Variants in CANX observed in about 807,000 individuals in gnomAD.
The protein encoded by CANX is epididymis secretory sperm binding protein.
CANX carries 14 observed loss-of-function variants against 75.7 expected under a neutral mutation model. The observed-to-expected ratio is 0.19, with a 90% confidence interval of 0.12 to 0.29. The LOEUF is 0.29. Among genes scored for constraint, CANX ranks in the 10% least tolerant of loss-of-function variants. CANX has a pLI of 1.00. For missense variants in CANX, 567 were observed against 713.2 expected, an observed-to-expected ratio of 0.79 and a Z score of 2.34; for synonymous variants, 227 against 236.9, an observed-to-expected ratio of 0.96 and a Z score of 0.38.
At chr5:179,706,956 T>C (rs1562473562) in intron 3 of CANX, among the ~76,000 whole-genome samples, 176 bp from the exon 4 acceptor site, 1 of 152,208 alleles carries the variant, frequency 6.6e-6, no homozygotes, top group Non-Finnish European at 1.5e-5. Context: ...TTCATATAGG[T>C]TTGTGAGTTG....
intron 1 of CANX, among the ~76,000 whole-genome samples, chr5:179,702,606 G>T (rs1247766266): frequency 1.3e-5 from 2 of 152,036 alleles, no homozygotes; most frequent in Non-Finnish European, 2.9e-5. Flanking sequence ...ATGGACACTT[G>T]GGTTGCTTCT....
intron 4 of CANX, among the ~76,000 whole-genome samples, 200 bp downstream of exon 4, chr5:179,707,390 C>G (rs1038315180): frequency 3.9e-5 from 6 of 152,104 alleles, no homozygotes; most frequent in African/African-American, 1.2e-4. Flanking sequence ...CGAGACCATC[C>G]TGGCTAACAC....
Position 179,708,360 on chromosome 5 carries a change from C to G in CANX, c.426C>G (p.Asp142Glu). 1 of 1,613,336 alleles carries G rather than the reference C, an allele frequency of 6.2e-7. No individual in the cohort carries two copies. The highest frequency in any genetic ancestry group is 8.5e-7 in the Non-Finnish European group (1 of 1,179,470). Residue 142 changes from aspartate to glutamate, a missense_variant, in exon 5 of 15, where the codon GAC becomes GAG. Asp to Glu is a conservative substitution (Grantham distance 45, BLOSUM62 2). Around this residue, in one of 3 missense-constraint regions of CANX, gnomAD observed 351 missense variants for 433.8 expected, o/e 0.81. Coordinates refer to ENST00000247461, the MANE Select transcript of CANX (RefSeq NM_001746.4). ...SAKLNKPFLF[D>E]TKPLIVQYEV... Reference sequence around the variant, plus strand: ...AACTGAACAAGCCCTTCCTGTTTGACACCAAGCCTCTCATTGTTCAGTAAG... The same window carrying G: ...AACTGAACAAGCCCTTCCTGTTTGAGACCAAGCCTCTCATTGTTCAGTAAG...
rs368539767 is a variant in CANX at position 179,709,275 on chromosome 5, G to A, written c.528+216G>A. ...TAAAAATACAAAAAATTAGCCAGGC[G>A]TGGTGGCAGGCGCCTGTAGTCCCAG... On this transcript the variant is annotated intron_variant, in intron 6 of 14. Transcript: ENST00000247461. Among the ~76,000 whole-genome samples, 31 of 152,232 alleles carry A rather than the reference G, an allele frequency of 2.0e-4. 1 individual carries two copies. In the East Asian group the frequency reaches 2.9e-3, roughly 14 times the overall value.
chr5:179,706,446 T>A (rs1777143831), intron 3 of CANX, 115 bp downstream of exon 3: 2 of 531,234 alleles, frequency 3.8e-6, no homozygotes, highest in Non-Finnish European at 6.5e-6. Flanking sequence ...TATTTTATTT[T>A]ATTTATTTAT....
At chr5:179,680,484 A>C (rs1409902351) in intron 1 of CANX, among the ~76,000 whole-genome samples, 1 of 152,128 alleles carries the variant, frequency 6.6e-6, no homozygotes, top group Non-Finnish European at 1.5e-5. Context: ...TGGAAGACAG[A>C]TGCGTGTATA....
intron 1 of CANX, among the ~76,000 whole-genome samples, chr5:179,684,531 G>C (rs1283682035): frequency 3.3e-5 from 5 of 151,280 alleles, no homozygotes; most frequent in Non-Finnish European, 7.4e-5. Flanking sequence ...TAGTAGAGAC[G>C]GGGTTTCACT....
chr5:179,706,196 C>A, intron 2 of CANX, 62 bp from the exon 3 acceptor site: 1 of 936,826 alleles, frequency 1.1e-6, no homozygotes, highest in South Asian at 1.4e-5. Context: ...AGAATAGATT[C>A]TAGATAAAAA....
At chr5:179,728,045 C>T (rs1284011374) in intron 14 of CANX, among the ~76,000 whole-genome samples, 2 of 152,158 alleles carry the variant, frequency 1.3e-5, no homozygotes, top group African/African-American at 4.8e-5. Context: ...TATGTTCTGT[C>T]TTAACTAGAA....
At chr5:179,715,824 GTT>G (rs1204093584) in intron 7 of CANX, 172 of 355,400 alleles carry the variant, frequency 4.8e-4, no homozygotes, top group East Asian at 7.3e-4. Flanking sequence ...TGTTTTTTTT[GTT>G]TTTTTTTTTT....
intron 7 of CANX, among the ~76,000 whole-genome samples, chr5:179,713,922 TAGAA>T (rs1475756407): frequency 3.3e-5 from 5 of 152,130 alleles, no homozygotes; most frequent in African/African-American, 7.2e-5. Context: ...CTCTATAAAA[TAGAA>T]AGAAAAGGTA....
intron 1 of CANX, chr5:179,700,420 G>A (rs1350196940): frequency 3.3e-5 from 5 of 152,128 alleles, no homozygotes; most frequent in African/African-American, 9.7e-5. Flanking sequence ...ATGAATAGAA[G>A]CAACTGCCAT....
At chr5:179,694,889 C>A (rs1776365161), upstream of CANX, 1 of 328,676 alleles carries the variant, frequency 3.0e-6, no homozygotes, top group Non-Finnish European at 5.7e-6. Flanking sequence ...ATGAGGGTGG[C>A]TTTGAGGGAA....
intron 1 of CANX, among the ~76,000 whole-genome samples, chr5:179,682,719 A>AC (rs1366346928): frequency 1.3e-5 from 2 of 151,678 alleles, no homozygotes; most frequent in African/African-American, 2.4e-5. Context: ...CAAAAAAAAA[A>AC]AAAAAAAAAC....
At chr5:179,724,904 C>T (rs776714277) in intron 13 of CANX, 121 bp downstream of exon 13, 1 of 1,358,276 alleles carries the variant, frequency 7.4e-7, no homozygotes, top group Non-Finnish European at 9.8e-7. Flanking sequence ...GTAATCCTAG[C>T]ACTTTGGGAG....
At chr5:179,684,924 GTATTTTTTTTTTTT>G (rs1776160498) in intron 1 of CANX, among the ~76,000 whole-genome samples, 1 of 28,984 alleles carries the variant, frequency 3.5e-5, no homozygotes, top group Non-Finnish European at 6.8e-5. Flanking sequence ...GGCTAATTTT[GTATTTTTTTTTTTT>G]TTTTTTTTTT....
intron 1 of CANX, among the ~76,000 whole-genome samples, chr5:179,702,856 A>T (rs1221568977): frequency 6.6e-6 from 1 of 151,792 alleles, no homozygotes; most frequent in East Asian, 1.9e-4. Flanking sequence ...TGCAAACTCC[A>T]CTTCCCGGGT....
In CANX at chr5:179,699,041, C is replaced by G; in HGVS notation, c.-65C>G. On this transcript the variant is annotated 5_prime_UTR_variant, in exon 1 of 15. Transcript: ENST00000247461. ...CTCCGCCTCTCTCTTTACTGCGGCG[C>G]GGGGCAAGGTGTGCGGGCGGGAAGG... 9.0e-7 allele frequency: 1 copy of G among 1,110,824 alleles called. No individual in the cohort carries two copies. The highest frequency in any genetic ancestry group is 1.1e-6 in the Non-Finnish European group (1 of 903,178). The allele number at this position is 1,110,824 out of a possible 1,614,324, so 68.8% of individuals were successfully genotyped here.
Position 179,729,342 on chromosome 5 carries a change from G to C in CANX, c.*698G>C, listed in dbSNP as rs1349243427. On this transcript the variant is annotated 3_prime_UTR_variant, in exon 15 of 15. Coordinates refer to ENST00000247461, the MANE Select transcript of CANX (RefSeq NM_001746.4). Reference sequence around the variant, plus strand: ...TGTTCTGTAGCTCAGTTCCCAGACAGCTTTTTAGGTAGTGGAGGAGGTGGC... The same window carrying C: ...TGTTCTGTAGCTCAGTTCCCAGACACCTTTTTAGGTAGTGGAGGAGGTGGC... 1 of 153,340 alleles carries C rather than the reference G, an allele frequency of 6.5e-6. No individual in the cohort carries two copies. The highest frequency in any genetic ancestry group is 1.5e-5 in the Non-Finnish European group (1 of 68,520). The allele number at this position is 153,340 out of a possible 1,614,324, so 9.5% of individuals were successfully genotyped here.
Sources: allele counts gnomAD v4.1 joint callset (sites outside exome capture counted in the v4.1 genomes callset), GRCh38; gene constraint gnomAD v4.1.1; regional missense constraint gnomAD v4.1.1; transcripts MANE v1.5; gene names NCBI Gene and HGNC (gene_info 2026-07-23, HGNC 2026-07-21).